The following FKBP5 variants were observed in gnomAD, a reference collection of about 807,000 sequenced individuals.
FKBP5 encodes the protein peptidyl-prolyl cis-trans isomerase FKBP5.
Under a neutral mutation model 50.5 loss-of-function variants are expected in FKBP5, and 23 were observed. The observed-to-expected ratio is 0.46, with a 90% CI of 0.33 to 0.65. The LOEUF is 0.65. Ranked by LOEUF, FKBP5 falls within the 30% of genes least tolerant of loss-of-function variation. FKBP5 has a pLI of 0.02. For synonymous variants in FKBP5, 176 were observed against 190.6 expected (o/e 0.92, Z 0.63); for missense variants, 411 against 553.1 (o/e 0.74, Z 2.58).
chr6:35,716,236 G>A (rs1466662976), intron 2 of FKBP5, among the ~76,000 whole-genome samples: 1 of 152,086 alleles, frequency 6.6e-6, no homozygotes, highest in Non-Finnish European at 1.5e-5. Flanking sequence ...AGCCGGGTAT[G>A]GTGGCACACA....
intron 2 of FKBP5, among the ~76,000 whole-genome samples, chr6:35,703,574 T>G (rs1341748933): frequency 6.6e-6 from 1 of 152,194 alleles, no homozygotes; most frequent in East Asian, 1.9e-4. Flanking sequence ...TTTAAAATAT[T>G]TAAAGATATT....
intron 5 of FKBP5, among the ~76,000 whole-genome samples, chr6:35,617,669 T>C (rs977459532): frequency 6.6e-6 from 1 of 152,020 alleles, no homozygotes; most frequent in Non-Finnish European, 1.5e-5. Flanking sequence ...GCAGAAAGCC[T>C]TTACTGAACA....
Position 35,655,366 on chromosome 6 carries a change from T to C in FKBP5, c.-19-12523A>G, listed in dbSNP as rs185613463. On this transcript the variant is annotated intron_variant, in intron 1 of 10. Coordinates refer to ENST00000357266, the MANE Select transcript of FKBP5 (RefSeq NM_004117.4). ...TTGATAAGGGTGAAGACAGTAGGAATGAGCCCCTATTATTTGTCTAGGTTT... is the reference window on the plus strand; with the variant it reads ...TTGATAAGGGTGAAGACAGTAGGAACGAGCCCCTATTATTTGTCTAGGTTT... 1.1e-3 allele frequency among the ~76,000 whole-genome samples: 163 copies of C among 152,266 alleles called. 2 individuals carry two copies. Among genetic ancestry groups the C allele is most frequent in the African/African-American group, 3.8e-3 (158 of 41,550 alleles).
chr6:35,597,161 G>A, intron 6 of FKBP5, 87 bp downstream of exon 6: 4 of 1,473,110 alleles, frequency 2.7e-6, no homozygotes, highest in Non-Finnish European at 2.8e-6. Flanking sequence ...TAACTTCACT[G>A]AAAATGCCAA....
intron 10 of FKBP5, 79 bp from the exon 11 acceptor site, chr6:35,576,021 A>C: frequency 4.0e-6 from 4 of 1,002,348 alleles, no homozygotes; most frequent in Non-Finnish European, 6.4e-6. Flanking sequence ...ACTGTGTATC[A>C]GGTCCCAAAC....
chr6:35,641,570 T>C (rs1394095424), intron 2 of FKBP5, among the ~76,000 whole-genome samples: 2 of 152,214 alleles, frequency 1.3e-5, no homozygotes, highest in African/African-American at 4.8e-5. Flanking sequence ...AGTCTGTCAC[T>C]GACTGAAATG....
intron 1 of FKBP5, among the ~76,000 whole-genome samples, chr6:35,649,470 C>T (rs1764728030): frequency 6.6e-6 from 1 of 150,406 alleles, no homozygotes; most frequent in South Asian, 2.1e-4. Flanking sequence ...CCTCGACCTT[C>T]TGGGAGGTGG....
intron 3 of FKBP5, among the ~76,000 whole-genome samples, chr6:35,623,768 T>G (rs1324485100): frequency 6.6e-6 from 1 of 150,782 alleles, no homozygotes; most frequent in Non-Finnish European, 1.5e-5. Flanking sequence ...TTTTTTTTTG[T>G]AGACAGTCTC....
chr6:35,644,716 G>A (rs984046023), intron 1 of FKBP5, among the ~76,000 whole-genome samples: 3 of 152,158 alleles, frequency 2.0e-5, no homozygotes, highest in Non-Finnish European at 2.9e-5. Flanking sequence ...TCAGAAGAAC[G>A]GGATTGGTTC....
intron 1 of FKBP5, among the ~76,000 whole-genome samples, chr6:35,663,718 G>A (rs1392612535): frequency 6.6e-6 from 1 of 152,068 alleles, no homozygotes; most frequent in Non-Finnish European, 1.5e-5. Flanking sequence ...TCCCTCACTC[G>A]CTTCAGGTCT....
intron 3 of FKBP5, among the ~76,000 whole-genome samples, chr6:35,627,891 A>G (rs1764047016): frequency 6.8e-6 from 1 of 147,736 alleles, no homozygotes; most frequent in Admixed American, 6.7e-5. Context: ...CCTCCCAAGT[A>G]GCTGGGATTA....
intron 5 of FKBP5, among the ~76,000 whole-genome samples, chr6:35,605,086 G>GTTTTCTTA (rs898546093): frequency 6.6e-6 from 1 of 151,854 alleles, no homozygotes; most frequent in African/African-American, 2.4e-5. Context: ...CCCGGCCCGT[G>GTTTTCTTA]TTTTCTTATT....
intron 1 of FKBP5, among the ~76,000 whole-genome samples, chr6:35,665,738 G>A (rs570641444): frequency 3.7e-4 from 56 of 152,222 alleles, no homozygotes; most frequent in Middle Eastern, 3.4e-3. Context: ...ATCACATCAG[G>A]CAATGGAACT....
intron 1 of FKBP5, among the ~76,000 whole-genome samples, chr6:35,654,613 GC>G (rs1764898404): frequency 6.6e-6 from 1 of 151,066 alleles, no homozygotes; most frequent in Non-Finnish European, 1.5e-5. Context: ...TTTATGCATT[GC>G]CTTTTTTGTT....
At chr6:35,597,658 G>A (rs1763016401) in intron 5 of FKBP5, among the ~76,000 whole-genome samples, 1 of 152,158 alleles carries the variant, frequency 6.6e-6, no homozygotes, top group African/African-American at 2.4e-5. Flanking sequence ...TAACAAACCA[G>A]AAACACAGGT....
At chr6:35,638,780 A>AT (rs1295436282) in intron 2 of FKBP5, among the ~76,000 whole-genome samples, 1 of 152,202 alleles carries the variant, frequency 6.6e-6, no homozygotes, top group East Asian at 1.9e-4. Flanking sequence ...AGAAAAAAAA[A>AT]GTCTCAAAAC....
At chr6:35,617,095 G>C (rs1237025681) in intron 5 of FKBP5, among the ~76,000 whole-genome samples, 1 of 152,056 alleles carries the variant, frequency 6.6e-6, no homozygotes. Context: ...CCAACTCCTA[G>C]TCTGGAGCTA....
intron 1 of FKBP5, among the ~76,000 whole-genome samples, chr6:35,653,306 T>C (rs1764863514): frequency 6.6e-6 from 1 of 152,152 alleles, no homozygotes; most frequent in Non-Finnish European, 1.5e-5. Flanking sequence ...CACTGAGCTT[T>C]GATGGCACCA....
In FKBP5 at chr6:35,666,926, G is replaced by GA. The variant is rs1765248907; in HGVS notation, c.-20+21877dup. 2.0e-5 allele frequency among the ~76,000 whole-genome samples: 3 copies of GA among 151,806 alleles called. 1 individual carries two copies. The highest frequency in any genetic ancestry group is 1.9e-4 in the East Asian group (1 of 5,194). On this transcript the variant is annotated intron_variant, in intron 1 of 10. Coordinates refer to ENST00000357266, the MANE Select transcript of FKBP5 (RefSeq NM_004117.4). ...AATGTATATGAAGAGAAAATACCTAGAAAAAATATAGTAAGCCATTAATAG... is the reference window on the plus strand; with the variant it reads ...AATGTATATGAAGAGAAAATACCTAGAAAAAAATATAGTAAGCCATTAATAG...
Sources: gnomAD v4.1 joint callset for allele counts (sites outside exome capture counted in the v4.1 genomes callset) on GRCh38, gnomAD v4.1.1 for gene constraint, MANE v1.5 for transcripts, NCBI Gene and HGNC (gene_info 2026-07-23, HGNC 2026-07-21) for gene names.